NKAIN2: variants seen among roughly 807,000 people sequenced by gnomAD.
The protein encoded by NKAIN2 is sodium/potassium-transporting ATPase subunit beta-1-interacting protein 2.
Under a neutral mutation model 32.6 loss-of-function variants are expected in NKAIN2, and 14 were observed. The ratio of observed to expected loss-of-function variants is 0.43; its 90% confidence interval spans 0.28 to 0.67. The LOEUF (loss-of-function observed/expected upper bound fraction) is 0.67. Ranked by LOEUF, NKAIN2 falls within the 30% of genes least tolerant of loss-of-function variation. The pLI, the probability that NKAIN2 is intolerant of heterozygous loss-of-function variation, is 0.17. For missense variants in NKAIN2, 198 were observed against 258.3 expected (o/e 0.77, Z 1.60); for synonymous variants, 80 against 87.2 (o/e 0.92, Z 0.46).
intron 3 of NKAIN2, among the ~76,000 whole-genome samples, chr6:124,369,245 G>C (rs554885054): frequency 1.3e-5 from 2 of 152,106 alleles, no homozygotes; most frequent in Non-Finnish European, 2.9e-5. Flanking sequence ...TTAAAAACCT[G>C]TGCTTGTATA....
intron 3 of NKAIN2, among the ~76,000 whole-genome samples, chr6:124,502,071 T>A (rs1046023106): frequency 6.6e-5 from 10 of 152,080 alleles, no homozygotes; most frequent in African/African-American, 2.4e-4. Flanking sequence ...ACCACTGCAC[T>A]CTAGCCCGGG....
At chr6:124,782,337 T>C (rs1168376634) in intron 4 of NKAIN2, among the ~76,000 whole-genome samples, 2 of 152,176 alleles carry the variant, frequency 1.3e-5, no homozygotes, top group East Asian at 3.9e-4. Flanking sequence ...AGGTGCATTG[T>C]ATATTCCACA....
chr6:123,977,744 A>C (rs554764707), intron 1 of NKAIN2, among the ~76,000 whole-genome samples: 37 of 152,200 alleles, frequency 2.4e-4, no homozygotes, highest in Non-Finnish European at 4.6e-4. Context: ...ATAATGGCTT[A>C]TGCAGATATT....
At chr6:124,533,338 G>C (rs892871122) in intron 3 of NKAIN2, among the ~76,000 whole-genome samples, 7 of 151,890 alleles carry the variant, frequency 4.6e-5, no homozygotes, top group Non-Finnish European at 5.9e-5. Flanking sequence ...CGGGCATGGT[G>C]GTGGGCCCCT....
chr6:124,797,169 CAAAAAAAA>C (rs563319426), intron 5 of NKAIN2, among the ~76,000 whole-genome samples: 2 of 87,130 alleles, frequency 2.3e-5, no homozygotes, highest in Admixed American at 1.2e-4. Context: ...TCCATGTTAG[CAAAAAAAA>C]AAAAAAAAAA....
At chr6:124,194,004 C>G (rs1325727703) in intron 1 of NKAIN2, among the ~76,000 whole-genome samples, 1 of 152,112 alleles carries the variant, frequency 6.6e-6, no homozygotes, top group Non-Finnish European at 1.5e-5. Context: ...GGTAGATACT[C>G]TTGCAGGCAA....
Position 124,505,429 on chromosome 6 carries a change from C to T in NKAIN2, c.273+150082C>T, listed in dbSNP as rs75843654. Among the ~76,000 whole-genome samples the T allele has an allele frequency of 2.4e-3, 365 of 152,280 alleles. 3 individuals carry two copies. The highest frequency in any genetic ancestry group is 8.5e-3 in the African/African-American group (352 of 41,558). ...CGACTAGGAAAAAGACATCTAAATG[C>T]GTTTTAACTCCAGAACCTCTTCCAT... is the stretch of plus-strand genomic sequence containing the variant. On this transcript the variant is annotated intron_variant, in intron 3 of 6. Transcript: ENST00000368417.
At chr6:124,805,417 C>T (rs551333317) in intron 5 of NKAIN2, among the ~76,000 whole-genome samples, 3,710 of 152,250 alleles carry the variant, frequency 0.024, 130 homozygotes, top group African/African-American at 0.083. Flanking sequence ...TCCAACAGAC[C>T]TGCAGCTGAG....
intron 3 of NKAIN2, among the ~76,000 whole-genome samples, chr6:124,412,828 C>T (rs78215116): frequency 2.0e-5 from 3 of 152,202 alleles, no homozygotes; most frequent in Admixed American, 6.5e-5. Flanking sequence ...CCACCCAGTT[C>T]GAGCTTCCTG....
intron 3 of NKAIN2, among the ~76,000 whole-genome samples, chr6:124,581,445 C>CAA (rs57280967): frequency 1.1e-3 from 88 of 81,356 alleles, no homozygotes; most frequent in African/African-American, 1.8e-3. Flanking sequence ...GACTCCGTCT[C>CAA]AAAAAAAAAA....
intron 1 of NKAIN2, among the ~76,000 whole-genome samples, chr6:124,140,936 C>G (rs890971595): frequency 6.6e-6 from 1 of 152,214 alleles, no homozygotes; most frequent in Non-Finnish European, 1.5e-5. Flanking sequence ...AATATTTTTA[C>G]TAATATAGAG....
chr6:124,527,453 G>A (rs1311573181), intron 3 of NKAIN2, among the ~76,000 whole-genome samples: 5 of 152,148 alleles, frequency 3.3e-5, no homozygotes, highest in East Asian at 1.9e-4. Context: ...ATTTCTGAAC[G>A]TGTATCATTA....
chr6:124,383,659 A>G (rs1434983009), intron 3 of NKAIN2, among the ~76,000 whole-genome samples: 1 of 152,170 alleles, frequency 6.6e-6, no homozygotes, highest in Non-Finnish European at 1.5e-5. Flanking sequence ...CTCCAATGCC[A>G]ATCTCAAGGA....
rs1327774378 is a variant in NKAIN2 at position 124,789,682 on chromosome 6, A to G, written c.475-1657A>G. 2.0e-5 allele frequency among the ~76,000 whole-genome samples: 3 copies of G among 152,014 alleles called. No homozygotes were observed. The East Asian group carries it at 5.8e-4, about 29-fold the overall frequency. ...AAAGCCAAACAGGAAAATAGGAGAC[A>G]TTGGTTTTTAATTAGTACTCGGAAC... On this transcript the variant is annotated intron_variant, in intron 4 of 6. Transcript: ENST00000368417.
intron 5 of NKAIN2, among the ~76,000 whole-genome samples, chr6:124,805,188 T>G (rs112920262): frequency 1.3e-5 from 2 of 152,200 alleles, no homozygotes; most frequent in African/African-American, 2.4e-5. Flanking sequence ...GAATGCCTCC[T>G]CAAGTGGGTC....
chr6:123,976,027 G>T (rs377172348), intron 1 of NKAIN2, among the ~76,000 whole-genome samples: 3 of 151,534 alleles, frequency 2.0e-5, no homozygotes, highest in Non-Finnish European at 4.4e-5. Context: ...AGATCTGATG[G>T]TTTTATAAGA....
At chr6:124,678,047 C>T (rs569989649) in intron 4 of NKAIN2, among the ~76,000 whole-genome samples, 248 of 152,162 alleles carry the variant, frequency 1.6e-3, no homozygotes, top group African/African-American at 5.6e-3. Flanking sequence ...CCACTCCCTT[C>T]TGAGTTGCAA....
intron 3 of NKAIN2, among the ~76,000 whole-genome samples, chr6:124,363,035 A>G (rs943940829): frequency 1.8e-4 from 27 of 151,982 alleles, no homozygotes; most frequent in Admixed American, 9.8e-4. Context: ...GGGTTTTGCA[A>G]TGTTCGCCAG....
At chr6:124,146,849 A>G (rs1344492397) in intron 1 of NKAIN2, among the ~76,000 whole-genome samples, 2 of 152,184 alleles carry the variant, frequency 1.3e-5, no homozygotes, top group Non-Finnish European at 2.9e-5. Flanking sequence ...AAAACTATTG[A>G]GGAAAGCAAG....
Sources: gnomAD v4.1 joint callset for allele counts (sites outside exome capture counted in the v4.1 genomes callset) on GRCh38, gnomAD v4.1.1 for gene constraint, MANE v1.5 for transcripts, NCBI Gene and HGNC (gene_info 2026-07-23, HGNC 2026-07-21) for gene names.